Variants in IQCM observed in about 807,000 individuals in gnomAD.
IQCM encodes the protein IQ domain-containing protein M.
In IQCM, 45 loss-of-function variants were observed where a neutral mutation model predicts 57.6. The observed-to-expected ratio is 0.78, with a 90% CI of 0.62 to 1.00. The LOEUF (loss-of-function observed/expected upper bound fraction) is 1.00. Among genes scored for constraint, IQCM ranks in the 50% least tolerant of loss-of-function variants. IQCM has a pLI of 0.00. For synonymous variants in IQCM, 148 were observed against 158.9 expected (o/e 0.93, Z 0.51); for missense variants, 468 against 511.6 (o/e 0.91, Z 0.82).
intron 2 of IQCM, among the ~76,000 whole-genome samples, chr4:149,746,897 A>T (rs1046181855): frequency 1.2e-4 from 19 of 152,172 alleles, no homozygotes; most frequent in South Asian, 1.0e-3. Flanking sequence ...GAAAACCAAA[A>T]AAAAGGAGTC....
chr4:149,352,204 C>T (rs921660530), intron 13 of IQCM, 138 bp from the exon 14 acceptor site: 2 of 392,710 alleles, frequency 5.1e-6, no homozygotes, highest in Admixed American at 8.9e-5. Flanking sequence ...GACTTGGGCT[C>T]ATTTCCTTCG....
In IQCM at chr4:149,707,624, T is replaced by A. The variant is rs185253113; in HGVS notation, c.386-21156A>T. On this transcript the variant is annotated intron_variant, in intron 5 of 13. Transcript: ENST00000636793. ...TCTCAACTCTAACACAAATCTACTATGTATGCAGCATCTACCTGAGCCCTC... is the reference window on the plus strand; with the variant it reads ...TCTCAACTCTAACACAAATCTACTAAGTATGCAGCATCTACCTGAGCCCTC... 7.8e-4 allele frequency among the ~76,000 whole-genome samples: 119 copies of A among 152,106 alleles called. 1 individual carries two copies. Among genetic ancestry groups the A allele is most frequent in the Admixed American group, 5.9e-4 (9 of 15,258 alleles).
At chr4:149,508,144 G>A (rs1019347864) in intron 12 of IQCM, among the ~76,000 whole-genome samples, 13 of 152,016 alleles carry the variant, frequency 8.6e-5, no homozygotes, top group African/African-American at 2.7e-4. Context: ...CCAGGTAGAA[G>A]TTTGCTGCAG....
chr4:149,451,278 C>T (rs1479457243), intron 12 of IQCM, among the ~76,000 whole-genome samples: 1 of 151,672 alleles, frequency 6.6e-6, no homozygotes, highest in Admixed American at 6.6e-5. Context: ...GACAGCACAA[C>T]AGGGTGACTT....
intron 12 of IQCM, among the ~76,000 whole-genome samples, chr4:149,491,515 T>G (rs1445969528): frequency 6.6e-6 from 1 of 152,140 alleles, no homozygotes; most frequent in Non-Finnish European, 1.5e-5. Context: ...ATGTGGTATT[T>G]GTTTTTCTGC....
intron 10 of IQCM, among the ~76,000 whole-genome samples, chr4:149,558,250 C>A (rs993961351): frequency 6.6e-6 from 1 of 152,132 alleles, no homozygotes; most frequent in Non-Finnish European, 1.5e-5. Context: ...GAATCAGTAA[C>A]AATGATTCTC....
At chr4:149,388,588 A>G (rs1223823705) in intron 13 of IQCM, among the ~76,000 whole-genome samples, 1 of 100,688 alleles carries the variant, frequency 9.9e-6, no homozygotes, top group Admixed American at 1.1e-4. Context: ...ATATACATAT[A>G]TACATATATA....
At chr4:149,670,476 T>G (rs146098288) in intron 7 of IQCM, among the ~76,000 whole-genome samples, 29,877 of 152,148 alleles carry the variant, frequency 0.2, 3,381 homozygotes, top group South Asian at 0.33. Context: ...TATTTCTTTA[T>G]CCTGCCTGAT....
At chr4:149,366,404 T>C (rs1384788075) in intron 13 of IQCM, among the ~76,000 whole-genome samples, 1 of 151,902 alleles carries the variant, frequency 6.6e-6, no homozygotes, top group African/African-American at 2.4e-5. Context: ...TCCTCTATGA[T>C]CCTACCTCCA....
At chr4:149,791,194 A>G (rs1772571680) in intron 2 of IQCM, among the ~76,000 whole-genome samples, 1 of 152,200 alleles carries the variant, frequency 6.6e-6, no homozygotes, top group South Asian at 2.1e-4. Flanking sequence ...ATTTTGGTAG[A>G]TAACACATGT....
At chr4:149,778,934 A>C (rs1771353308) in intron 2 of IQCM, among the ~76,000 whole-genome samples, 1 of 152,160 alleles carries the variant, frequency 6.6e-6, no homozygotes, top group Non-Finnish European at 1.5e-5. Flanking sequence ...AATGAACACA[A>C]ATTCTATACA....
chr4:149,614,339 T>C (rs531862999), intron 8 of IQCM, among the ~76,000 whole-genome samples: 17 of 152,312 alleles, frequency 1.1e-4, no homozygotes, highest in African/African-American at 4.1e-4. Context: ...TTCTAGGGCA[T>C]AAGCTCATTA....
intron 9 of IQCM, among the ~76,000 whole-genome samples, chr4:149,578,747 C>T (rs565802760): frequency 5.3e-5 from 8 of 151,952 alleles, no homozygotes; most frequent in African/African-American, 1.4e-4. Context: ...TAATATTATA[C>T]TCAATGTTTT....
intron 10 of IQCM, among the ~76,000 whole-genome samples, chr4:149,555,919 C>T (rs1390652335): frequency 6.6e-6 from 1 of 152,082 alleles, no homozygotes; most frequent in African/African-American, 2.4e-5. Flanking sequence ...AGATCTCAGG[C>T]ATTTGGAAGG....
intron 12 of IQCM, among the ~76,000 whole-genome samples, chr4:149,447,865 A>G (rs1476052876): frequency 6.6e-6 from 1 of 151,752 alleles, no homozygotes; most frequent in Non-Finnish European, 1.5e-5. Flanking sequence ...TGATAAAGAA[A>G]TAATCTGTAA....
At chr4:149,814,694 A>T (rs538607370) in intron 2 of IQCM, among the ~76,000 whole-genome samples, 1 of 152,128 alleles carries the variant, frequency 6.6e-6, no homozygotes, top group South Asian at 2.1e-4. Context: ...ATTAATTAAC[A>T]GTTAAGATTA....
At chr4:149,687,565 CA>C (rs1434176641) in intron 5 of IQCM, among the ~76,000 whole-genome samples, 1 of 151,522 alleles carries the variant, frequency 6.6e-6, no homozygotes, top group Non-Finnish European at 1.5e-5. Flanking sequence ...CACTACTCCA[CA>C]AAATAGAGAA....
chr4:149,757,899 A>C (rs566074665), intron 2 of IQCM, among the ~76,000 whole-genome samples: 2 of 152,334 alleles, frequency 1.3e-5, no homozygotes, highest in South Asian at 4.1e-4. Flanking sequence ...AAAGTGAACA[A>C]TAAAGATAGC....
chr4:149,516,189 G>A (rs1340726973), intron 12 of IQCM, among the ~76,000 whole-genome samples: 1 of 152,230 alleles, frequency 6.6e-6, no homozygotes, highest in Non-Finnish European at 1.5e-5. Flanking sequence ...AGGGTGATCA[G>A]CCAGCTACCT....
Sources: allele counts gnomAD v4.1 joint callset (sites outside exome capture counted in the v4.1 genomes callset), GRCh38; gene constraint gnomAD v4.1.1; transcripts MANE v1.5; gene names NCBI Gene and HGNC (gene_info 2026-07-23, HGNC 2026-07-21).